MRPS27: variants seen among roughly 807,000 people sequenced by gnomAD.
MRPS27 encodes mitochondrial ribosomal protein S27.
In MRPS27, 43 loss-of-function variants were observed where a neutral mutation model predicts 48.9. That is an observed-to-expected ratio of 0.88 (90% CI 0.69 to 1.13). The LOEUF (loss-of-function observed/expected upper bound fraction) is 1.13. MRPS27 is among the 50% of genes most tolerant of loss of function. MRPS27 has a pLI of 0.00. For synonymous variants in MRPS27, 188 were observed against 171.9 expected, an observed-to-expected ratio of 1.09 and a Z score of -0.73; for missense variants, 467 against 476.3, an observed-to-expected ratio of 0.98 and a Z score of 0.18.
At chr5:72,256,194 A>AG (rs1224090426) in intron 4 of MRPS27, among the ~76,000 whole-genome samples, 3 of 152,356 alleles carry the variant, frequency 2.0e-5, no homozygotes, top group African/African-American at 7.2e-5. Flanking sequence ...AGGTTACCAC[A>AG]AATGTGTATA....
chr5:72,255,794 C>G (rs1323436542), intron 4 of MRPS27, among the ~76,000 whole-genome samples: 1 of 152,212 alleles, frequency 6.6e-6, no homozygotes, highest in East Asian at 1.9e-4. Flanking sequence ...CCCAGACAGT[C>G]TGACTCCAGA....
chr5:72,256,917 G>A (rs893072696), intron 4 of MRPS27, among the ~76,000 whole-genome samples: 4 of 152,160 alleles, frequency 2.6e-5, no homozygotes, highest in South Asian at 2.1e-4. Context: ...GCCGTGGTAC[G>A]ATCCTGTACA....
chr5:72,290,950 C>G (rs1749801637), intron 4 of MRPS27, among the ~76,000 whole-genome samples: 1 of 152,112 alleles, frequency 6.6e-6, no homozygotes, highest in South Asian at 2.1e-4. Context: ...GACTTCTTAC[C>G]TCACCAAGGA....
At chr5:72,273,625 G>A (rs753630416) in intron 4 of MRPS27, among the ~76,000 whole-genome samples, 5 of 152,126 alleles carry the variant, frequency 3.3e-5, no homozygotes, top group African/African-American at 1.2e-4. Context: ...GTGTCTAAAC[G>A]TATCTAAACA....
At chr5:72,287,494 C>T (rs1251707853) in intron 4 of MRPS27, among the ~76,000 whole-genome samples, 1 of 152,094 alleles carries the variant, frequency 6.6e-6, no homozygotes. Context: ...CAAAAATTAG[C>T]CAGGCGTGGT....
At chr5:72,246,709 A>G (rs531206350) in intron 4 of MRPS27, among the ~76,000 whole-genome samples, 1 of 152,298 alleles carries the variant, frequency 6.6e-6, no homozygotes, top group African/African-American at 2.4e-5. Context: ...AGAATTTACT[A>G]GCCCTGTTCT....
Position 72,226,096 on chromosome 5 carries a change from C to T in MRPS27, c.798G>A (p.Val266=), listed in dbSNP as rs1747887792. 6.2e-7 allele frequency: 1 copy of T among 1,613,778 alleles called. No individual in the cohort carries two copies. Among genetic ancestry groups the T allele is most frequent in the Non-Finnish European group, 8.5e-7 (1 of 1,179,802 alleles). ...LDRALQVMEK[V]AASPEDIKLC... is the part of the protein sequence containing the mutation. ...GCTTTATGTCTTCTGGGGAGGCAGC[C>T]ACTTTCTCCATCACTTGAAGGGCTC... The change falls in exon 9 of 11, where the codon GTG becomes GTA. Residue 266 remains valine, a synonymous_variant. Coordinates refer to ENST00000261413, the MANE Select transcript of MRPS27 (RefSeq NM_015084.3).
chr5:72,311,042 T>C (rs1283569972), intron 2 of MRPS27, among the ~76,000 whole-genome samples: 1 of 152,112 alleles, frequency 6.6e-6, no homozygotes, highest in Non-Finnish European at 1.5e-5. Context: ...TATAGGACAA[T>C]GTCATAAGAA....
At chr5:72,315,796 A>T (rs906052328) in intron 1 of MRPS27, among the ~76,000 whole-genome samples, 2 of 152,208 alleles carry the variant, frequency 1.3e-5, no homozygotes, top group African/African-American at 4.8e-5. Flanking sequence ...AAAACAGTGC[A>T]GCTGCTTTTT....
intron 7 of MRPS27, among the ~76,000 whole-genome samples, chr5:72,232,192 G>C (rs1412575163): frequency 6.6e-6 from 1 of 152,112 alleles, no homozygotes; most frequent in Non-Finnish European, 1.5e-5. Context: ...ACCCATTTCT[G>C]AATGTCTGAG....
At chr5:72,316,841 C>G (rs1034190009) in intron 1 of MRPS27, among the ~76,000 whole-genome samples, 1 of 151,422 alleles carries the variant, frequency 6.6e-6, no homozygotes, top group Non-Finnish European at 1.5e-5. Context: ...GCGAGCCTGA[C>G]CAACATGGAG....
At chr5:72,287,242 C>T (rs990638276) in intron 4 of MRPS27, among the ~76,000 whole-genome samples, 3 of 151,974 alleles carry the variant, frequency 2.0e-5, no homozygotes, top group African/African-American at 7.3e-5. Context: ...CTGTCTTCCA[C>T]AAAACCAGTC....
At position 72,234,217 on chromosome 5, in the gene MRPS27, A is replaced by G. The variant is rs567810820; in HGVS notation, c.397-20T>C. The G allele has an allele frequency of 9.6e-6, 14 of 1,453,960 alleles. No homozygotes were observed. The South Asian group carries it at 1.5e-4, about 15-fold the overall frequency. 90.1% of individuals were successfully genotyped at this position (1,453,960 alleles called of 1,614,324 possible). On this transcript the variant is annotated intron_variant, in intron 5 of 10. Transcript: ENST00000261413. ...TTGAACCTATAATGAAAATGAACATAACAGGAAAAAAAGAGAAAATTATCT... is the reference window on the plus strand; with the variant it reads ...TTGAACCTATAATGAAAATGAACATGACAGGAAAAAAAGAGAAAATTATCT...
At chr5:72,289,973 A>G (rs536133340) in intron 4 of MRPS27, among the ~76,000 whole-genome samples, 1 of 152,348 alleles carries the variant, frequency 6.6e-6, no homozygotes, top group Admixed American at 6.5e-5. Context: ...CACTAAGTGG[A>G]AAGAGGAAAT....
At chr5:72,248,186 G>C (rs949510411) in intron 4 of MRPS27, among the ~76,000 whole-genome samples, 1 of 152,104 alleles carries the variant, frequency 6.6e-6, no homozygotes, top group African/African-American at 2.4e-5. Flanking sequence ...TTTAAAAACT[G>C]AATATTTGAA....
At chr5:72,270,641 T>C (rs530471580) in intron 4 of MRPS27, among the ~76,000 whole-genome samples, 118 of 152,256 alleles carry the variant, frequency 7.8e-4, no homozygotes, top group African/African-American at 2.7e-3. Context: ...GAAGGGAACA[T>C]TTCCCAATAC....
At position 72,219,509 on chromosome 5, in the gene MRPS27, G is replaced by T. The variant is rs1198148140; in HGVS notation, c.*1400C>A. 6.6e-6 allele frequency: 1 copy of T among 151,932 alleles called. No individual in the cohort carries two copies. The highest frequency in any genetic ancestry group is 1.5e-5 in the Non-Finnish European group (1 of 68,028). 9.4% of individuals were successfully genotyped at this position (151,932 alleles called of 1,614,324 possible). A position where few individuals can be genotyped will look rare whatever the true frequency, so the allele number is the denominator to read the frequency against. On this transcript the variant is annotated 3_prime_UTR_variant, in exon 11 of 11. Coordinates refer to ENST00000261413, the MANE Select transcript of MRPS27 (RefSeq NM_015084.3). ...CCTCTCCCTCCTCCCTTTCCCCAAA[G>T]ATAAAGAGTACACTAACATGATCCC...
At chr5:72,242,360 G>A (rs1037690267) in intron 4 of MRPS27, among the ~76,000 whole-genome samples, 1 of 148,362 alleles carries the variant, frequency 6.7e-6, no homozygotes, top group African/African-American at 2.5e-5. Context: ...TGACATGGGA[G>A]TGAAAGTCTT....
intron 4 of MRPS27, among the ~76,000 whole-genome samples, chr5:72,284,901 T>C (rs987547966): frequency 3.9e-5 from 6 of 152,232 alleles, no homozygotes; most frequent in Admixed American, 3.3e-4. Context: ...CAGGCTTCTA[T>C]TGATGGACGT....
Sources: gnomAD v4.1 joint callset for allele counts (sites outside exome capture counted in the v4.1 genomes callset) on GRCh38, gnomAD v4.1.1 for gene constraint, MANE v1.5 for transcripts, NCBI Gene and HGNC (gene_info 2026-07-23, HGNC 2026-07-21) for gene names.